Variants in RBFOX1 observed in about 807,000 individuals in gnomAD.
RBFOX1 encodes the protein RNA binding protein fox-1 homolog 1.
RBFOX1 carries 8 observed loss-of-function variants against 57.7 expected under a neutral mutation model. That is an observed-to-expected ratio of 0.14 (90% CI 0.08 to 0.25). The LOEUF (loss-of-function observed/expected upper bound fraction) is 0.25, where lower values mean the gene tolerates loss of function less well. RBFOX1 is among the 10% of genes least tolerant of loss of function. The probability of loss-of-function intolerance (pLI) is 1.00; values close to 1 mark genes in which losing one functional copy is unlikely to be tolerated. For synonymous variants in RBFOX1, 326 were observed against 222.4 expected (o/e 1.47, Z -4.15); for missense variants, 611 against 548.5 (o/e 1.11, Z -1.14).
intron 2 of RBFOX1, among the ~76,000 whole-genome samples, chr16:6,363,729 C>T (rs547897014): frequency 7.2e-5 from 11 of 152,256 alleles, no homozygotes; most frequent in Non-Finnish European, 1.2e-4. Flanking sequence ...ACGAATTTCA[C>T]GTAGAAATCA....
intron 3 of RBFOX1, among the ~76,000 whole-genome samples, chr16:5,714,921 T>C (rs1338600555): frequency 6.6e-6 from 1 of 152,104 alleles, no homozygotes; most frequent in East Asian, 1.9e-4. Context: ...AAGCATAGAG[T>C]TGATGCTGAA....
At chr16:7,451,766 A>C (rs1229569894) in intron 4 of RBFOX1, among the ~76,000 whole-genome samples, 1 of 145,768 alleles carries the variant, frequency 6.9e-6, no homozygotes, top group African/African-American at 2.6e-5. Flanking sequence ...TTGTAGAGGC[A>C]AGACCAAATT....
At chr16:6,007,798 C>G (rs916848262) in intron 4 of RBFOX1, among the ~76,000 whole-genome samples, 1 of 151,894 alleles carries the variant, frequency 6.6e-6, no homozygotes, top group Admixed American at 6.6e-5. Context: ...GGGAACTTAG[C>G]CAAGAGGTGA....
intron 4 of RBFOX1, among the ~76,000 whole-genome samples, chr16:7,492,713 G>T (rs1226460564): frequency 6.6e-6 from 1 of 151,998 alleles, no homozygotes; most frequent in Non-Finnish European, 1.5e-5. Flanking sequence ...GTAGTGGCAT[G>T]ATAGTGAATT....
Position 6,703,504 on chromosome 16 carries a change from C to A in RBFOX1, c.-16+48854C>A, listed in dbSNP as rs1448615810. Among the ~76,000 whole-genome samples the A allele has an allele frequency of 1.7e-5, 2 of 116,858 alleles. 1 individual carries two copies. The highest frequency in any genetic ancestry group is 3.5e-5 in the Non-Finnish European group (2 of 57,110). 76.7% of individuals were successfully genotyped at this position (116,858 alleles called of 152,430 possible). ...AGATGGGAGGATTGCTTGAGCTCAGCAGTTCAAGGCAGCCTAGGCAACATA... is the reference window on the plus strand; with the variant it reads ...AGATGGGAGGATTGCTTGAGCTCAGAAGTTCAAGGCAGCCTAGGCAACATA... On this transcript the variant is annotated intron_variant, in intron 3 of 15. Coordinates refer to ENST00000550418, the MANE Select transcript of RBFOX1 (RefSeq NM_018723.4).
chr16:7,401,569 A>C (rs542552052), intron 4 of RBFOX1, among the ~76,000 whole-genome samples: 160 of 152,296 alleles, frequency 1.1e-3, no homozygotes, highest in African/African-American at 3.6e-3. Flanking sequence ...GGGCAGAAGA[A>C]ATTTTTCCCT....
intron 3 of RBFOX1, among the ~76,000 whole-genome samples, chr16:6,795,504 A>C (rs776224081): frequency 1.3e-5 from 2 of 152,160 alleles, no homozygotes; most frequent in Admixed American, 1.3e-4. Context: ...ACGTTGGCTC[A>C]CGTCTGTAAT....
intron 3 of RBFOX1, among the ~76,000 whole-genome samples, chr16:6,700,138 C>T (rs996937724): frequency 1.3e-5 from 2 of 152,012 alleles, no homozygotes; most frequent in Admixed American, 1.3e-4. Context: ...AGGCATTCCC[C>T]TAAGGTGATG....
At chr16:7,671,104 A>T (rs1014060388) in intron 13 of RBFOX1, among the ~76,000 whole-genome samples, 11 of 152,312 alleles carry the variant, frequency 7.2e-5, no homozygotes, top group East Asian at 3.9e-4. Flanking sequence ...TAACAAGTAA[A>T]GGCATTTATG....
chr16:6,326,394 A>G (rs1195205979), intron 2 of RBFOX1, among the ~76,000 whole-genome samples: 1 of 152,212 alleles, frequency 6.6e-6, no homozygotes, highest in East Asian at 1.9e-4. Flanking sequence ...AGACTAGCCA[A>G]TACCAGGGAG....
intron 4 of RBFOX1, among the ~76,000 whole-genome samples, chr16:7,158,397 C>G (rs773635984): frequency 4.6e-5 from 7 of 152,190 alleles, no homozygotes; most frequent in Non-Finnish European, 1.0e-4. Context: ...AGTGATTGAT[C>G]TTACTGATGT....
rs527303445 is a variant in RBFOX1, at chr16:7,281,719, G to C, written c.27+229621G>C. Among the ~76,000 whole-genome samples, 150 of 152,240 alleles carry C rather than the reference G, an allele frequency of 9.9e-4. 1 individual carries two copies. The highest frequency in any genetic ancestry group is 7.9e-4 in the Non-Finnish European group (54 of 68,028). ...CATAAACTGAGTGACTGTTAGGAGA[G>C]AGTCTATTGAGGGAAACGTGGGTTA... is the stretch of plus-strand genomic sequence containing the variant. On this transcript the variant is annotated intron_variant, in intron 4 of 15. Coordinates refer to ENST00000550418, the MANE Select transcript of RBFOX1 (RefSeq NM_018723.4).
chr16:6,614,888 T>C (rs1026978002), intron 2 of RBFOX1, among the ~76,000 whole-genome samples: 3 of 152,208 alleles, frequency 2.0e-5, no homozygotes, highest in African/African-American at 7.2e-5. Context: ...TTGAAAATGT[T>C]TGCATTTGGA....
chr16:5,249,739 T>G (rs1234191438), intron 1 of RBFOX1, among the ~76,000 whole-genome samples: 1 of 152,202 alleles, frequency 6.6e-6, no homozygotes, highest in East Asian at 1.9e-4. Context: ...GAGGTCAAGG[T>G]GGGCGGGCCA....
chr16:5,944,576 G>C (rs145060054), intron 4 of RBFOX1, among the ~76,000 whole-genome samples: 1 of 151,694 alleles, frequency 6.6e-6, no homozygotes, highest in Non-Finnish European at 1.5e-5. Flanking sequence ...TCATGCCTCA[G>C]TTTCGACAAA....
chr16:6,846,317 C>G (rs189020226), intron 3 of RBFOX1, among the ~76,000 whole-genome samples: 3 of 152,288 alleles, frequency 2.0e-5, no homozygotes. Context: ...ACATCACAGA[C>G]TCACTCAACA....
chr16:7,254,641 A>G (rs530089229), intron 4 of RBFOX1, among the ~76,000 whole-genome samples: 1 of 152,100 alleles, frequency 6.6e-6, no homozygotes, highest in Non-Finnish European at 1.5e-5. Context: ...TTTTCTTTTC[A>G]ATCCTGTCTT....
intron 3 of RBFOX1, among the ~76,000 whole-genome samples, chr16:7,014,382 T>A (rs2093801515): frequency 6.6e-6 from 1 of 151,978 alleles, no homozygotes; most frequent in Non-Finnish European, 1.5e-5. Flanking sequence ...CTGGCTTTTT[T>A]TTATTTTTAT....
At chr16:7,638,072 A>T (rs552069641) in intron 11 of RBFOX1, among the ~76,000 whole-genome samples, 6 of 152,286 alleles carry the variant, frequency 3.9e-5, no homozygotes, top group African/African-American at 1.4e-4. Flanking sequence ...AACATGATCT[A>T]TCTCCATTAC....
Sources: allele counts gnomAD v4.1 joint callset (sites outside exome capture counted in the v4.1 genomes callset), GRCh38; gene constraint gnomAD v4.1.1; transcripts MANE v1.5; gene names NCBI Gene and HGNC (gene_info 2026-07-23, HGNC 2026-07-21).